KLK5: variants seen among roughly 807,000 people sequenced by gnomAD.
KLK5 encodes the protein kallikrein-5.
KLK5 carries 18 observed loss-of-function variants against 24.0 expected under a neutral mutation model. The ratio of observed to expected loss-of-function variants is 0.75; its 90% CI spans 0.52 to 1.11. KLK5 has a LOEUF of 1.11. Among genes scored for constraint, KLK5 ranks in the 50% most tolerant of loss-of-function variants. The pLI is 0.00. For synonymous variants in KLK5, 140 were observed against 154.0 expected, an observed-to-expected ratio of 0.91 and a Z score of 0.67; for missense variants, 374 against 379.2, an observed-to-expected ratio of 0.99 and a Z score of 0.11.
chr19:50,945,631 G>GAA (rs57848074), intron 5 of KLK5, among the ~76,000 whole-genome samples: 43,781 of 143,820 alleles, frequency 0.3, 7,573 homozygotes, highest in East Asian at 0.84. Flanking sequence ...CATCTCTACG[G>GAA]AAAAAAAAAA....
At position 50,947,914 on chromosome 19, in the gene KLK5, C is replaced by A. The variant is rs1430965597; in HGVS notation, c.726+726G>T. On this transcript the variant is annotated intron_variant, in intron 5 of 5. Coordinates refer to ENST00000336334, the MANE Select transcript of KLK5 (RefSeq NM_012427.5). This position sits in a 1 kb window ranked among gnomAD's most constrained non-coding sequence, Gnocchi z 8.7. ...TACAGTAACTGCTAGCCACATGTGG[C>A]TACTGAGCACCTGAAATGTAGCTAG... Among the ~76,000 whole-genome samples, 1 of 152,192 alleles carries A rather than the reference C, an allele frequency of 6.6e-6. No homozygotes were observed. The highest frequency in any genetic ancestry group is 2.4e-5 in the African/African-American group (1 of 41,450).
chr19:50,948,187 T>C (rs750241755), intron 5 of KLK5, among the ~76,000 whole-genome samples: 1 of 152,032 alleles, frequency 6.6e-6, no homozygotes, highest in Non-Finnish European at 1.5e-5. Context: ...AGTGGCACGA[T>C]CTCAGCTCAC....
intron 2 of KLK5, 135 bp from the exon 3 acceptor site, chr19:50,950,251 A>G: frequency 1.2e-6 from 1 of 801,178 alleles, no homozygotes; most frequent in South Asian, 1.7e-5. Flanking sequence ...GGCCTGGAGA[A>G]TAAGAGTGGC....
Position 50,947,362 on chromosome 19 carries a change from C to T in KLK5, c.726+1278G>A, listed in dbSNP as rs1211601634. Among the ~76,000 whole-genome samples, 1 of 152,170 alleles carries T rather than the reference C, an allele frequency of 6.6e-6. No individual in the cohort carries two copies. Among genetic ancestry groups the T allele is most frequent in the African/African-American group, 2.4e-5 (1 of 41,432 alleles). On this transcript the variant is annotated intron_variant, in intron 5 of 5. Coordinates refer to ENST00000336334, the MANE Select transcript of KLK5 (RefSeq NM_012427.5). The surrounding 1 kb of genome is among the most constrained non-coding windows in gnomAD (Gnocchi z 8.7). ...ACTGCCTCAGGGCCTTTGCACGTGC[C>T]TTTTCTTTCCCCTTAAACTTCACGA...
chr19:50,949,102 G>T lies in KLK5; in HGVS notation c.349C>A (p.Arg117Ser). The T allele has an allele frequency of 3.1e-6, 5 of 1,612,154 alleles. No individual in the cohort carries two copies. Among genetic ancestry groups the T allele is most frequent in the Non-Finnish European group, 4.2e-6 (5 of 1,179,874 alleles). ...GGTGACAGGGAGTAGTGGCCGAGAC[G>T]GACTCTGAAAACTCTGAGGAAGATG... is the stretch of plus-strand genomic sequence containing the variant. ...AHCRKKVFRVRLGHYSLSPVY... is the reference protein window; with the variant it reads ...AHCRKKVFRVSLGHYSLSPVY... The change falls in exon 4 of 6, where the codon CGT (arginine) becomes AGT (serine). Residue 117 changes from arginine to serine, a missense_variant. Coordinates refer to ENST00000336334, the MANE Select transcript of KLK5 (RefSeq NM_012427.5).
intron 5 of KLK5, among the ~76,000 whole-genome samples, chr19:50,945,525 G>T (rs2090624165): frequency 6.6e-6 from 1 of 151,830 alleles, no homozygotes; most frequent in Non-Finnish European, 1.5e-5. Context: ...GGGCACGGTG[G>T]CTCACACCTG....
rs2090660606 is a variant in KLK5 at position 50,949,022 on chromosome 19, A to G, written c.429T>C (p.Pro143=). The G allele has an allele frequency of 6.2e-7, 1 of 1,613,898 alleles. No individual in the cohort carries two copies. Among genetic ancestry groups the G allele is most frequent in the Non-Finnish European group, 8.5e-7 (1 of 1,179,942 alleles). Residue 143 remains proline, a synonymous_variant, in exon 4 of 6, where the codon CCT becomes CCC. Coordinates refer to ENST00000336334, the MANE Select transcript of KLK5 (RefSeq NM_012427.5). ...TAGAGTGGCCAGGGTGGGAGTAGCC[A>G]GGGTGGGGGATGGATTTGACCCCCT... The part of the protein sequence containing the change: ...MFQGVKSIPH[P]GYSHPGHSND...
rs1345294570 is a variant in KLK5 at position 50,952,688 on chromosome 19, G to C, written c.-11-20C>G. The C allele has an allele frequency of 6.4e-7, 1 of 1,558,214 alleles. No homozygotes were observed. Among genetic ancestry groups the C allele is most frequent in the South Asian group, 1.2e-5 (1 of 84,584 alleles). ...CTGCACCTGGATGGGGAATGTCAGA[G>C]GGTTGGGAGGCCCAGGCGATCCGGG... On this transcript the variant is annotated intron_variant, in intron 1 of 5. Transcript: ENST00000336334.
At position 50,947,095 on chromosome 19, in the gene KLK5, C is replaced by T. The variant is rs62115183; in HGVS notation, c.726+1545G>A. On this transcript the variant is annotated intron_variant, in intron 5 of 5. Coordinates refer to ENST00000336334, the MANE Select transcript of KLK5 (RefSeq NM_012427.5). This position sits in a 1 kb window ranked among gnomAD's most constrained non-coding sequence, Gnocchi z 8.7. ...TTGTTAACTTACGTCCTTCTAGATC[C>T]CTTGGGAGCCTGAATACAGAGAAGG... Among the ~76,000 whole-genome samples the T allele has an allele frequency of 0.069, 10,490 of 152,192 alleles. 415 individuals carry two copies. The highest frequency in any genetic ancestry group is 0.13 in the Admixed American group (2,055 of 15,274).
chr19:50,952,957 C>T lies in KLK5; in HGVS notation c.-222G>A, dbSNP rs1304838515. ...TCACCAGGTCTCACTTGCCCTGTCC[C>T]CCAGGTAGGGGGTGGGGGATTTGCT... On this transcript the variant is annotated 5_prime_UTR_variant, in exon 1 of 6. Transcript: ENST00000336334. The T allele has an allele frequency of 7.3e-6, 2 of 273,038 alleles. No homozygotes were observed. Among genetic ancestry groups the T allele is most frequent in the East Asian group, 6.5e-5 (1 of 15,484 alleles). The allele number at this position is 273,038 out of a possible 1,614,324, so 16.9% of individuals were successfully genotyped here. A position where few individuals can be genotyped will look rare whatever the true frequency, so the allele number is the denominator to read the frequency against.
intron 5 of KLK5, among the ~76,000 whole-genome samples, chr19:50,944,855 G>A (rs1248910178): frequency 6.6e-6 from 1 of 152,062 alleles, no homozygotes; most frequent in East Asian, 1.9e-4. Flanking sequence ...TGTGTTTCCT[G>A]TCTTCAATTC....
chr19:50,944,148 T>C (rs547825408), intron 5 of KLK5, among the ~76,000 whole-genome samples: 16 of 151,988 alleles, frequency 1.1e-4, no homozygotes, highest in Non-Finnish European at 8.8e-5. Flanking sequence ...TGACTACAGG[T>C]GTCCATCACC....
Position 50,948,983 on chromosome 19 carries a change from G to A in KLK5, c.468C>T (p.Leu156=). ...GACGAATTCTTCTGTTCAGTTTGAT[G>A]AGCATGAGGTCGTTAGAGTGGCCAG... The part of the protein sequence containing the change: ...SHPGHSNDLM[L]IKLNRRIRPT... The change falls in exon 4 of 6, where the codon CTC becomes CTT. Residue 156 remains leucine, a synonymous_variant. Transcript: ENST00000336334. 1.2e-6 allele frequency: 2 copies of A among 1,614,036 alleles called. No homozygotes were observed. The highest frequency in any genetic ancestry group is 1.7e-6 in the Non-Finnish European group (2 of 1,179,982).
At chr19:50,948,601 C>T in intron 5 of KLK5, 39 bp downstream of exon 5, 1 of 1,609,828 alleles carries the variant, frequency 6.2e-7, no homozygotes, top group African/African-American at 1.3e-5. Flanking sequence ...CGAGTTGGCA[C>T]TCAGTGTGTA....
chr19:50,946,709 G>A (rs1360631595), intron 5 of KLK5, among the ~76,000 whole-genome samples: 6 of 151,958 alleles, frequency 3.9e-5, no homozygotes, highest in Admixed American at 6.6e-5. Context: ...ACAGGCGCCT[G>A]CCACCACGCC....
At position 50,943,665 on chromosome 19, in the gene KLK5, T is replaced by C. The variant is rs550428618; in HGVS notation, c.848A>G (p.Lys283Arg). ...GVYTNLCKFT[K>R]WIQETIQANS ...GGCCTGGATGGTTTCCTGGATCCAC[T>C]TGGTGAACTTGCAGAGGTTCGTGTA... is the stretch of plus-strand genomic sequence containing the variant. The change falls in exon 6 of 6, where the codon AAG becomes AGG. Residue 283 changes from lysine (K) to arginine (R), a missense_variant. Transcript: ENST00000336334. 6 of 1,614,038 alleles carry C rather than the reference T, an allele frequency of 3.7e-6. No individual in the cohort carries two copies. In the East Asian group the frequency reaches 8.9e-5, roughly 24 times the overall value.
intron 5 of KLK5, among the ~76,000 whole-genome samples, chr19:50,946,650 C>T (rs2090637932): frequency 2.0e-5 from 3 of 152,054 alleles, no homozygotes; most frequent in Middle Eastern, 6.8e-3. Context: ...AGTTCCGCCT[C>T]CCGGGTTCAG....
In KLK5 at chr19:50,944,162, C is replaced by G. The variant is rs139819859; in HGVS notation, c.727-376G>C. On this transcript the variant is annotated intron_variant, in intron 5 of 5. Transcript: ENST00000336334. ...GTGACTACAGGTGTCCATCACCACACCCGGCTAATTTTTTGTATTTTTTTT... is the reference window on the plus strand; with the variant it reads ...GTGACTACAGGTGTCCATCACCACAGCCGGCTAATTTTTTGTATTTTTTTT... Among the ~76,000 whole-genome samples the G allele has an allele frequency of 3.4e-3, 522 of 152,160 alleles. 7 individuals carry two copies. The highest frequency in any genetic ancestry group is 0.012 in the African/African-American group (493 of 41,516).
In KLK5 at chr19:50,950,612, C is replaced by A. The variant is rs1376662808; in HGVS notation, c.74-496G>T. Among the ~76,000 whole-genome samples, 3 of 151,982 alleles carry A rather than the reference C, an allele frequency of 2.0e-5. No homozygotes were observed. The East Asian group carries it at 5.8e-4, about 29-fold the overall frequency. Reference sequence around the variant, plus strand: ...TCCTATAAAGAGCTCTGACTTTGGGCTGGGGGCGGTGGCTCACGCCTGTAA... The same window carrying A: ...TCCTATAAAGAGCTCTGACTTTGGGATGGGGGCGGTGGCTCACGCCTGTAA... On this transcript the variant is annotated intron_variant, in intron 2 of 5. Transcript: ENST00000336334.
Sources: allele counts gnomAD v4.1 joint callset (sites outside exome capture counted in the v4.1 genomes callset), GRCh38; gene constraint gnomAD v4.1.1; non-coding constraint Gnocchi (gnomAD v3.1); transcripts MANE v1.5; gene names NCBI Gene and HGNC (gene_info 2026-07-23, HGNC 2026-07-21).